CCDC178: variants seen among roughly 807,000 people sequenced by gnomAD.
CCDC178 encodes the protein coiled-coil domain containing 178.
Under a neutral mutation model 117.4 loss-of-function variants are expected in CCDC178, and 126 were observed. The ratio of observed to expected loss-of-function variants is 1.07; its 90% CI spans 0.93 to 1.24. The LOEUF (loss-of-function observed/expected upper bound fraction) is 1.24, where lower values mean the gene tolerates loss of function less well. Ranked by LOEUF, CCDC178 falls within the 50% of genes most tolerant of loss-of-function variation. CCDC178 has a pLI of 0.00. For synonymous variants in CCDC178, 283 were observed against 313.4 expected, an observed-to-expected ratio of 0.90 and a Z score of 1.02; for missense variants, 1,030 against 986.9, an observed-to-expected ratio of 1.04 and a Z score of -0.59.
At chr18:33,184,706 C>CA (rs1200907993) in intron 20 of CCDC178, among the ~76,000 whole-genome samples, 1 of 151,906 alleles carries the variant, frequency 6.6e-6, no homozygotes, top group African/African-American at 2.4e-5. Context: ...CAATTGCTTC[C>CA]AATTATATTT....
intron 22 of CCDC178, among the ~76,000 whole-genome samples, chr18:32,960,158 T>C (rs991176932): frequency 1.3e-5 from 2 of 152,132 alleles, no homozygotes; most frequent in African/African-American, 4.8e-5. Context: ...GATATCAATA[T>C]ATGAATTGTG....
intron 9 of CCDC178, among the ~76,000 whole-genome samples, chr18:33,338,669 T>TCTCA (rs1220441369): frequency 6.6e-6 from 1 of 152,122 alleles, no homozygotes; most frequent in Non-Finnish European, 1.5e-5. Flanking sequence ...TATCGTATGT[T>TCTCA]CTCACTCATA....
chr18:33,076,199 C>A (rs1481079671), intron 21 of CCDC178, among the ~76,000 whole-genome samples: 4 of 152,192 alleles, frequency 2.6e-5, no homozygotes, highest in African/African-American at 9.6e-5. Context: ...CACACACAGG[C>A]AGGCTGTGCT....
At chr18:33,037,625 T>C (rs1192338670) in intron 21 of CCDC178, among the ~76,000 whole-genome samples, 14 of 152,078 alleles carry the variant, frequency 9.2e-5, no homozygotes, top group Admixed American at 5.3e-4. Flanking sequence ...GATGCTTTTC[T>C]TCTTTCTCAA....
chr18:33,254,151 T>C (rs950869921), intron 14 of CCDC178, among the ~76,000 whole-genome samples: 2 of 151,494 alleles, frequency 1.3e-5, no homozygotes, highest in African/African-American at 4.9e-5. Flanking sequence ...GCACAGAGAA[T>C]AGGAGGACGG....
chr18:33,035,792 T>G (rs1053390726), intron 21 of CCDC178, among the ~76,000 whole-genome samples: 5 of 152,018 alleles, frequency 3.3e-5, no homozygotes, highest in African/African-American at 1.2e-4. Flanking sequence ...ATACCTTGAT[T>G]ATATATAATC....
chr18:33,036,701 A>G (rs2056451644), intron 21 of CCDC178, among the ~76,000 whole-genome samples: 1 of 151,962 alleles, frequency 6.6e-6, no homozygotes, highest in African/African-American at 2.4e-5. Context: ...CAGTGGCTCA[A>G]AATAAGGAGG....
intron 21 of CCDC178, among the ~76,000 whole-genome samples, chr18:32,990,483 T>C (rs561229084): frequency 6.6e-6 from 1 of 152,218 alleles, no homozygotes; most frequent in African/African-American, 2.4e-5. Context: ...AGAGTTGGCA[T>C]TGCAAATCAA....
chr18:32,965,980 A>G (rs1309301841), intron 22 of CCDC178, among the ~76,000 whole-genome samples: 1 of 149,418 alleles, frequency 6.7e-6, no homozygotes, highest in African/African-American at 2.4e-5. Context: ...TCAATTTTTA[A>G]TTATATCTTT....
chr18:33,099,441 G>A (rs969298819), intron 20 of CCDC178, among the ~76,000 whole-genome samples: 6 of 151,852 alleles, frequency 4.0e-5, no homozygotes, highest in African/African-American at 7.3e-5. Context: ...GTATTGGTGC[G>A]GAGACTGATT....
Position 33,370,176 on chromosome 18 carries a change from G to A in CCDC178, c.222C>T (p.Gly74=), listed in dbSNP as rs775299396. 1 of 1,601,224 alleles carries A rather than the reference G, an allele frequency of 6.2e-7. No individual in the cohort carries two copies. Among genetic ancestry groups the A allele is most frequent in the Non-Finnish European group, 8.5e-7 (1 of 1,174,126 alleles). The change falls in exon 6 of 23, where the codon GGC becomes GGT. Residue 74 remains glycine, a synonymous_variant. Transcript: ENST00000383096. The stretch of plus-strand genomic sequence containing the variant: ...GTCGACATGGGTAGCTAAAGTAAAT[G>A]CCTTTATTCACCCCTAAAGAGAACA... ...KMTNTEGVNK[G]IYFSYPCRRH... is the part of the protein sequence containing the mutation.
intron 21 of CCDC178, among the ~76,000 whole-genome samples, chr18:33,001,437 G>A (rs1011437355): frequency 2.9e-4 from 44 of 151,888 alleles, no homozygotes; most frequent in African/African-American, 8.4e-4. Flanking sequence ...GGCGTGAACC[G>A]GGGAGGCAGA....
intron 21 of CCDC178, among the ~76,000 whole-genome samples, chr18:32,980,504 G>A (rs2055129896): frequency 6.7e-6 from 1 of 149,526 alleles, no homozygotes; most frequent in African/African-American, 2.5e-5. Flanking sequence ...CCGGAAGGCG[G>A]AGCTTGCAGT....
intron 6 of CCDC178, among the ~76,000 whole-genome samples, chr18:33,362,161 ATGTG>A (rs1161710890): frequency 1.6e-5 from 2 of 125,560 alleles, no homozygotes; most frequent in African/African-American, 3.1e-5. Flanking sequence ...CTATATGTTT[ATGTG>A]TGTATGTCTG....
rs1305575038 is a variant in CCDC178, at chr18:33,361,522, C to T, written c.349-5176G>A. ...ATCAAACTAAAAAAAAATGAAAAGT[C>T]CAGTTACATACTAGGAAAAAAATAA... On this transcript the variant is annotated intron_variant, in intron 6 of 22. Coordinates refer to ENST00000383096, the MANE Select transcript of CCDC178 (RefSeq NM_001105528.4). 5.9e-5 allele frequency among the ~76,000 whole-genome samples: 9 copies of T among 151,412 alleles called. No individual in the cohort carries two copies. In the East Asian group the frequency reaches 1.8e-3, roughly 29 times the overall value.
intron 11 of CCDC178, among the ~76,000 whole-genome samples, chr18:33,309,154 G>A (rs1031503500): frequency 1.4e-5 from 2 of 147,836 alleles, no homozygotes; most frequent in Non-Finnish European, 1.5e-5. Flanking sequence ...ATAAGGCTAT[G>A]AACATAGCCA....
chr18:33,386,877 T>C (rs1337133823), intron 5 of CCDC178, among the ~76,000 whole-genome samples: 5 of 151,840 alleles, frequency 3.3e-5, no homozygotes, highest in African/African-American at 1.2e-4. Flanking sequence ...GGCAATCACG[T>C]AAGGGAAAAA....
rs935537374 is a variant in CCDC178 at position 33,089,438 on chromosome 18, G to A, written c.2388+3323C>T. Reference sequence around the variant, plus strand: ...ATAGCAAATTCCCCAGGATTATTGAGAGACACTAAAAGATAACATTTGCAA... The same window carrying A: ...ATAGCAAATTCCCCAGGATTATTGAAAGACACTAAAAGATAACATTTGCAA... On this transcript the variant is annotated intron_variant, in intron 21 of 22. Coordinates refer to ENST00000383096, the MANE Select transcript of CCDC178 (RefSeq NM_001105528.4). Among the ~76,000 whole-genome samples the A allele has an allele frequency of 3.9e-5, 6 of 152,128 alleles. No homozygotes were observed. In the South Asian group the frequency reaches 1.2e-3, roughly 32 times the overall value.
chr18:33,298,528 T>C (rs1052358934), intron 11 of CCDC178, among the ~76,000 whole-genome samples: 19 of 152,160 alleles, frequency 1.2e-4, no homozygotes, highest in Non-Finnish European at 2.9e-5. Context: ...AATATCATAC[T>C]GAAGAGGGAA....
Sources: allele counts gnomAD v4.1 joint callset (sites outside exome capture counted in the v4.1 genomes callset), GRCh38; gene constraint gnomAD v4.1.1; transcripts MANE v1.5; gene names NCBI Gene and HGNC (gene_info 2026-07-23, HGNC 2026-07-21).